ROBO2: variants seen among roughly 807,000 people sequenced by gnomAD.
The protein encoded by ROBO2 is roundabout guidance receptor 2.
A neutral mutation model predicts 160.8 loss-of-function variants in ROBO2; 53 were observed. That is an observed-to-expected ratio of 0.33 (90% CI 0.26 to 0.41). The LOEUF is 0.41. ROBO2 is among the 10% of genes least tolerant of loss of function. ROBO2 has a pLI of 1.00. For synonymous variants in ROBO2, 664 were observed against 611.7 expected, an observed-to-expected ratio of 1.09 and a Z score of -1.26; for missense variants, 1,577 against 1,722.4, an observed-to-expected ratio of 0.92 and a Z score of 1.49.
chr3:77,125,913 GTTTCACT>G lies in ROBO2; in HGVS notation c.388+27575_388+27581del, dbSNP rs1383624022. Among the ~76,000 whole-genome samples, 20 of 152,162 alleles carry G rather than the reference GTTTCACT, an allele frequency of 1.3e-4. No individual in the cohort carries two copies. In the South Asian group the frequency reaches 4.1e-3, roughly 32 times the overall value. On this transcript the variant is annotated intron_variant, in intron 2 of 25. Coordinates refer to ENST00000461745, the Ensembl canonical transcript of ROBO2. ...TTCTACTTCTGAAGTACTATTAGTT[GTTTCACT>G]TATATAATTAAAGGAAAACATGTTT...
intron 2 of ROBO2, among the ~76,000 whole-genome samples, chr3:77,293,068 A>T: frequency 6.6e-6 from 1 of 150,956 alleles, no homozygotes; most frequent in Non-Finnish European, 1.5e-5. Context: ...CTGAGGCTAG[A>T]GCACTAAAGA....
At chr3:76,806,395 C>G (rs2108923867) in intron 2 of ROBO2, among the ~76,000 whole-genome samples, 1 of 151,984 alleles carries the variant, frequency 6.6e-6, no homozygotes, top group Admixed American at 6.6e-5. Context: ...TAAATGTTCT[C>G]TGAACAGTGA....
At chr3:77,024,578 C>CT (rs970377451) in intron 2 of ROBO2, among the ~76,000 whole-genome samples, 4 of 152,092 alleles carry the variant, frequency 2.6e-5, no homozygotes, top group African/African-American at 7.2e-5. Flanking sequence ...TTTGTGGACT[C>CT]TAACTATACT....
intron 2 of ROBO2, among the ~76,000 whole-genome samples, chr3:76,649,316 T>G (rs574203974): frequency 6.6e-6 from 1 of 152,264 alleles, no homozygotes; most frequent in Non-Finnish European, 1.5e-5. Flanking sequence ...GTCCTACAGA[T>G]TAATACTTCA....
intron 24 of ROBO2, among the ~76,000 whole-genome samples, chr3:77,636,156 G>A (rs1055832992): frequency 2.6e-5 from 4 of 151,970 alleles, no homozygotes; most frequent in Admixed American, 6.6e-5. Flanking sequence ...GAATTTTGGG[G>A]GTACACAAAC....
chr3:77,466,485 G>A (rs1052251372), intron 2 of ROBO2, among the ~76,000 whole-genome samples: 1 of 152,108 alleles, frequency 6.6e-6, no homozygotes, highest in Non-Finnish European at 1.5e-5. Context: ...TGTGATTCAT[G>A]TGAACCCCCT....
intron 5 of ROBO2, among the ~76,000 whole-genome samples, chr3:77,503,952 G>A (rs1283632117): frequency 6.6e-6 from 1 of 152,198 alleles, no homozygotes; most frequent in Non-Finnish European, 1.5e-5. Context: ...AGGACAAATA[G>A]TTTCAAAGTA....
rs58209079 is a variant in ROBO2 at position 76,682,422 on chromosome 3, C to CATTTTT, written c.110-415592_110-415591insATTTTT. Among the ~76,000 whole-genome samples, 139 of 151,420 alleles carry CATTTTT rather than the reference C, an allele frequency of 9.2e-4. 4 individuals are homozygous for CATTTTT. Among genetic ancestry groups the CATTTTT allele is most frequent in the African/African-American group, 2.9e-3 (121 of 41,262 alleles). On this transcript the variant is annotated intron_variant, in intron 2 of 26. Coordinates refer to the ROBO2 transcript ENST00000487694. ...TCTAAAAATAGTCTATTAAAAATTT[C>CATTTTT]TTTTGAGACGGAGTCTTGCTCTGTT...
At chr3:75,937,928 G>A (rs967135343) in intron 2 of ROBO2, among the ~76,000 whole-genome samples, 5 of 147,458 alleles carry the variant, frequency 3.4e-5, no homozygotes, top group Middle Eastern at 3.6e-3. Context: ...GCGGGTATGC[G>A]TATGAGTTTG....
chr3:76,187,442 T>C (rs1204070101), intron 2 of ROBO2, among the ~76,000 whole-genome samples: 9 of 118,274 alleles, frequency 7.6e-5, no homozygotes, highest in African/African-American at 2.8e-4. Context: ...ACCCAACTGA[T>C]TTTTTAATGT....
At chr3:77,522,075 A>G (rs1167621631) in intron 5 of ROBO2, among the ~76,000 whole-genome samples, 2 of 151,322 alleles carry the variant, frequency 1.3e-5, no homozygotes, top group African/African-American at 4.8e-5. Context: ...AGAATTAAAT[A>G]AGAACATATT....
intron 2 of ROBO2, among the ~76,000 whole-genome samples, chr3:77,422,238 G>T (rs552346948): frequency 2.6e-5 from 4 of 152,204 alleles, no homozygotes; most frequent in African/African-American, 9.6e-5. Flanking sequence ...ATAAGACAGG[G>T]GATTAGCGGT....
chr3:77,630,595 T>C (rs2095139759), intron 23 of ROBO2: 1 of 151,484 alleles, frequency 6.6e-6, no homozygotes, highest in Non-Finnish European at 1.5e-5. Flanking sequence ...AGCCTAGATA[T>C]GGAAGGGTTG....
intron 2 of ROBO2, among the ~76,000 whole-genome samples, chr3:76,093,605 C>A (rs1375069413): frequency 6.7e-5 from 10 of 149,960 alleles, no homozygotes; most frequent in African/African-American, 2.2e-4. Context: ...TTTCTCCAAC[C>A]TCATTCTTTT....
In ROBO2 at chr3:75,928,274, G is replaced by C. The variant is rs935088960; in HGVS notation, c.-13-9207G>C. Among the ~76,000 whole-genome samples, 89 of 152,048 alleles carry C rather than the reference G, an allele frequency of 5.9e-4. 1 individual carries two copies. The highest frequency in any genetic ancestry group is 2.0e-4 in the Admixed American group (3 of 15,260). ...GCTGGGATTACAGGCGTGAGCCACC[G>C]TGCCCGGCCTCTATTTAAGTTAGCT... On this transcript the variant is annotated intron_variant, in intron 1 of 26. Coordinates refer to the ROBO2 transcript ENST00000487694.
chr3:76,448,197 G>A (rs2077297252), intron 2 of ROBO2, among the ~76,000 whole-genome samples: 1 of 152,010 alleles, frequency 6.6e-6, no homozygotes, highest in Non-Finnish European at 1.5e-5. Flanking sequence ...CCACTTTGCA[G>A]AAAATTCTCT....
At chr3:75,915,638 G>A (rs1223760266) in intron 1 of ROBO2, among the ~76,000 whole-genome samples, 2 of 152,032 alleles carry the variant, frequency 1.3e-5, no homozygotes, top group African/African-American at 4.8e-5. Flanking sequence ...CGGGGCTTTC[G>A]AGCTGCATTC....
chr3:76,441,205 ACATGGTTT>A (rs2076911160), intron 2 of ROBO2, among the ~76,000 whole-genome samples: 1 of 152,152 alleles, frequency 6.6e-6, no homozygotes, highest in Non-Finnish European at 1.5e-5. Context: ...TAATATTAAG[ACATGGTTT>A]TAATTACTTG....
chr3:76,147,053 A>G (rs1219882840), intron 2 of ROBO2, among the ~76,000 whole-genome samples: 1 of 151,582 alleles, frequency 6.6e-6, no homozygotes, highest in South Asian at 2.1e-4. Flanking sequence ...TAATCTGTAC[A>G]GCAAACCCCA....
Sources: gnomAD v4.1 joint callset for allele counts (sites outside exome capture counted in the v4.1 genomes callset) on GRCh38, gnomAD v4.1.1 for gene constraint, MANE v1.5 for transcripts, NCBI Gene and HGNC (gene_info 2026-07-23, HGNC 2026-07-21) for gene names.